TBC1D4: variants seen among roughly 807,000 people sequenced by gnomAD.
TBC1D4 encodes the protein TBC1 domain family member 4, also known as TBC (Tre-2, BUB2, CDC16) domain-containing protein.
Under a neutral mutation model 142.5 loss-of-function variants are expected in TBC1D4, and 121 were observed. The ratio of observed to expected loss-of-function variants is 0.85; its 90% CI spans 0.73 to 0.99. TBC1D4 has a LOEUF of 0.99. Ranked by LOEUF, TBC1D4 falls within the 50% of genes least tolerant of loss-of-function variation. The pLI is 0.00. For missense variants in TBC1D4, 1,475 were observed against 1,606.6 expected (o/e 0.92, Z 1.40); for synonymous variants, 630 against 628.2 (o/e 1.00, Z -0.04).
intron 2 of TBC1D4, among the ~76,000 whole-genome samples, chr13:75,360,355 G>A (rs1016743947): frequency 2.6e-5 from 4 of 152,014 alleles, no homozygotes; most frequent in Admixed American, 6.6e-5. Flanking sequence ...AAGAAAAGGG[G>A]AAATTCAGTT....
At chr13:75,335,886 C>A (rs921967285) in intron 8 of TBC1D4, among the ~76,000 whole-genome samples, 4 of 152,216 alleles carry the variant, frequency 2.6e-5, no homozygotes, top group Middle Eastern at 3.4e-3. Flanking sequence ...TCAGGTATTT[C>A]TTTATAGCAA....
Position 75,297,230 on chromosome 13 carries a change from C to T in TBC1D4, c.3156+2100G>A, listed in dbSNP as rs142780774. Among the ~76,000 whole-genome samples the T allele has an allele frequency of 2.7e-3, 415 of 152,158 alleles. 2 individuals are homozygous for T. The highest frequency in any genetic ancestry group is 4.9e-3 in the Non-Finnish European group (335 of 68,002). On this transcript the variant is annotated intron_variant, in intron 17 of 20. Coordinates refer to ENST00000377636, the MANE Select transcript of TBC1D4 (RefSeq NM_014832.5). Reference sequence around the variant, plus strand: ...TCCATATTAAATGAATGTATAAATCCGATTTACATGAATTTTTGTAATGTC... The same window carrying T: ...TCCATATTAAATGAATGTATAAATCTGATTTACATGAATTTTTGTAATGTC...
chr13:75,325,647 G>C (rs901982979), intron 10 of TBC1D4, among the ~76,000 whole-genome samples: 1 of 152,112 alleles, frequency 6.6e-6, no homozygotes, highest in African/African-American at 2.4e-5. Flanking sequence ...AGTGGACACT[G>C]CCTGTCAATT....
intron 4 of TBC1D4, among the ~76,000 whole-genome samples, chr13:75,354,662 GAGA>G (rs147353933): frequency 0.013 from 1,999 of 152,188 alleles, 45 homozygotes; most frequent in African/African-American, 0.046. Context: ...GAGGGACACA[GAGA>G]AGGAGTGAGG....
intron 15 of TBC1D4, among the ~76,000 whole-genome samples, chr13:75,304,978 A>G (rs1593891599): frequency 6.6e-6 from 1 of 152,194 alleles, no homozygotes; most frequent in East Asian, 1.9e-4. Flanking sequence ...GTCCCCACCC[A>G]AATCTCATCT....
At chr13:75,323,677 T>C (rs772405236) in intron 11 of TBC1D4, among the ~76,000 whole-genome samples, 1 of 152,164 alleles carries the variant, frequency 6.6e-6, no homozygotes, top group Non-Finnish European at 1.5e-5. Context: ...AGATCCCTCA[T>C]GCTATCTAAG....
chr13:75,392,569 C>A (rs1436512178), intron 1 of TBC1D4, among the ~76,000 whole-genome samples: 1 of 151,966 alleles, frequency 6.6e-6, no homozygotes, highest in Non-Finnish European at 1.5e-5. Context: ...TCCTTTTCTT[C>A]TTCTTACTCT....
intron 1 of TBC1D4, among the ~76,000 whole-genome samples, chr13:75,469,507 A>G (rs1391182521): frequency 2.6e-5 from 4 of 152,212 alleles, no homozygotes; most frequent in Non-Finnish European, 4.4e-5. Context: ...GCTGTGGCTC[A>G]TACCTGTAAT....
chr13:75,406,611 G>C (rs1457761442), intron 1 of TBC1D4, among the ~76,000 whole-genome samples: 1 of 152,088 alleles, frequency 6.6e-6, no homozygotes, highest in African/African-American at 2.4e-5. Context: ...GTCATCGAGG[G>C]GGCCTTTAGG....
Position 75,447,204 on chromosome 13 carries a change from CTT to C in TBC1D4, c.498+34064_498+34065del, listed in dbSNP as rs1196344352. The stretch of plus-strand genomic sequence containing the variant: ...GAAAGTATTTAGTAGATTTGGTAAA[CTT>C]ATATCAACGGTAGAAGTATGGAAGG... On this transcript the variant is annotated intron_variant, in intron 1 of 20. Transcript: ENST00000377636. Among the ~76,000 whole-genome samples, 5 of 152,018 alleles carry C rather than the reference CTT, an allele frequency of 3.3e-5. No homozygotes were observed. The East Asian group carries it at 5.8e-4, about 18-fold the overall frequency.
At chr13:75,450,412 T>G (rs1887487585) in intron 1 of TBC1D4, among the ~76,000 whole-genome samples, 1 of 152,240 alleles carries the variant, frequency 6.6e-6, no homozygotes, top group Non-Finnish European at 1.5e-5. Flanking sequence ...ATTAAGTCTT[T>G]TGATAGCAAC....
intron 1 of TBC1D4, among the ~76,000 whole-genome samples, chr13:75,441,457 TAATC>T (rs1174567064): frequency 6.6e-6 from 1 of 152,180 alleles, no homozygotes; most frequent in African/African-American, 2.4e-5. Flanking sequence ...TTTGAATATC[TAATC>T]AATCTCGAAA....
At chr13:75,429,938 A>C (rs1886527813) in intron 1 of TBC1D4, among the ~76,000 whole-genome samples, 1 of 152,204 alleles carries the variant, frequency 6.6e-6, no homozygotes, top group Non-Finnish European at 1.5e-5. Flanking sequence ...CTACATAATA[A>C]TGTATTCCAA....
intron 5 of TBC1D4, 74 bp downstream of exon 5, chr13:75,349,096 T>C (rs1881394491): frequency 6.2e-7 from 1 of 1,606,802 alleles, no homozygotes; most frequent in Non-Finnish European, 8.5e-7. Flanking sequence ...AACTATTCAA[T>C]GACAATAGGG....
intron 1 of TBC1D4, among the ~76,000 whole-genome samples, chr13:75,475,276 C>G (rs1268370651): frequency 6.6e-6 from 1 of 152,172 alleles, no homozygotes; most frequent in Non-Finnish European, 1.5e-5. Flanking sequence ...CAAGAAAAAT[C>G]CTTTACTTGG....
chr13:75,465,267 T>G (rs1274144868), intron 1 of TBC1D4, among the ~76,000 whole-genome samples: 1 of 152,190 alleles, frequency 6.6e-6, no homozygotes, highest in African/African-American at 2.4e-5. Flanking sequence ...CTCTGCAAAA[T>G]TTTAAGATAC....
chr13:75,384,261 T>A (rs1593822877), intron 1 of TBC1D4, among the ~76,000 whole-genome samples: 1 of 151,996 alleles, frequency 6.6e-6, no homozygotes, highest in East Asian at 1.9e-4. Context: ...CATGGTGAAA[T>A]CCCGTCTCTA....
intron 16 of TBC1D4, among the ~76,000 whole-genome samples, chr13:75,300,635 T>G (rs938295246): frequency 6.6e-6 from 1 of 152,234 alleles, no homozygotes; most frequent in African/African-American, 2.4e-5. Context: ...TAAGCAATTT[T>G]TAAAATTATG....
At chr13:75,337,146 C>T (rs979085199) in intron 7 of TBC1D4, 106 bp from the exon 8 acceptor site, 7 of 1,006,316 alleles carry the variant, frequency 7.0e-6, no homozygotes, top group Middle Eastern at 3.2e-4. Context: ...AAGAATTCTT[C>T]AGTAGCTCTA....
Sources: gnomAD v4.1 joint callset for allele counts (sites outside exome capture counted in the v4.1 genomes callset) on GRCh38, gnomAD v4.1.1 for gene constraint, MANE v1.5 for transcripts, NCBI Gene and HGNC (gene_info 2026-07-23, HGNC 2026-07-21) for gene names.